The following NCBP3 variants were observed in gnomAD, a reference collection of about 807,000 sequenced individuals.
NCBP3 encodes the protein nuclear cap binding subunit 3.
In NCBP3, 20 loss-of-function variants were observed where a neutral mutation model predicts 75.7. That is an observed-to-expected ratio of 0.26 (90% CI 0.19 to 0.38). The LOEUF is 0.38. NCBP3 is among the 10% of genes least tolerant of loss of function. The pLI is 1.00. For missense variants in NCBP3, 678 were observed against 796.9 expected (o/e 0.85, Z 1.80); for synonymous variants, 293 against 290.5 (o/e 1.01, Z -0.09).
chr17:3,817,526 G>A (rs1226712232), intron 10 of NCBP3, among the ~76,000 whole-genome samples: 1 of 152,206 alleles, frequency 6.6e-6, no homozygotes, highest in Admixed American at 6.5e-5. Context: ...CTACTCGGGA[G>A]GCTGAGGCAG....
chr17:3,835,259 T>G (rs2053953942), intron 3 of NCBP3, among the ~76,000 whole-genome samples: 1 of 152,264 alleles, frequency 6.6e-6, no homozygotes, highest in African/African-American at 2.4e-5. Context: ...ACTGTTCTGA[T>G]GGGCACAATT....
Position 3,833,587 on chromosome 17 carries a change from G to A in NCBP3, c.356-4219C>T, listed in dbSNP as rs113712753. Among the ~76,000 whole-genome samples the A allele has an allele frequency of 2.5e-3, 378 of 152,074 alleles. 2 individuals are homozygous for A. The highest frequency in any genetic ancestry group is 0.01 in the Middle Eastern group (3 of 294). ...CTTGGGAGGCCGAGATGAGAGGATTGCTTGAGCCCAAGAGTTTGAGACCAG... is the reference window on the plus strand; with the variant it reads ...CTTGGGAGGCCGAGATGAGAGGATTACTTGAGCCCAAGAGTTTGAGACCAG... On this transcript the variant is annotated intron_variant, in intron 3 of 12. Transcript: ENST00000389005.
In NCBP3 at chr17:3,807,713, G is replaced by A. The variant is rs914885883; in HGVS notation, c.*5331C>T. 3.3e-5 allele frequency: 5 copies of A among 152,134 alleles called. No individual in the cohort carries two copies. The highest frequency in any genetic ancestry group is 2.1e-4 in the South Asian group (1 of 4,818). The allele number at this position is 152,134 out of a possible 1,614,324, so 9.4% of individuals were successfully genotyped here. A position where few individuals can be genotyped will look rare whatever the true frequency, so the allele number is the denominator to read the frequency against. On this transcript the variant is annotated 3_prime_UTR_variant, in exon 13 of 13. Coordinates refer to ENST00000389005, the MANE Select transcript of NCBP3 (RefSeq NM_001114118.3). Reference sequence around the variant, plus strand: ...CAGAAAAATGACTAGCCTGCCAGAGGGCCCCAGAGCCTCAGAGGATGGAGC... The same window carrying A: ...CAGAAAAATGACTAGCCTGCCAGAGAGCCCCAGAGCCTCAGAGGATGGAGC...
intron 8 of NCBP3, 62 bp from the exon 9 acceptor site, chr17:3,821,414 T>G (rs546309036): frequency 7.7e-7 from 1 of 1,301,184 alleles, no homozygotes; most frequent in South Asian, 1.3e-5. Context: ...TGAAATCCAC[T>G]ATTTCTTTCT....
chr17:3,823,247 G>A (rs1228252685), intron 7 of NCBP3, among the ~76,000 whole-genome samples: 2 of 151,664 alleles, frequency 1.3e-5, no homozygotes, highest in African/African-American at 4.8e-5. Flanking sequence ...GGAGGCAGAG[G>A]TTGCAGGGAG....
rs2053394456 is a variant in NCBP3 at position 3,810,620 on chromosome 17, AT to A, written c.*2423del. 6.6e-6 allele frequency: 1 copy of A among 152,272 alleles called. No individual in the cohort carries two copies. Among genetic ancestry groups the A allele is most frequent in the South Asian group, 2.1e-4 (1 of 4,822 alleles). The allele number at this position is 152,272 out of a possible 1,614,324, so 9.4% of individuals were successfully genotyped here. ...CCTCATCATTCAGGACACACTCAAG[AT>A]GTTGCAAGATCTGAGTGACTGAGAG... On this transcript the variant is annotated 3_prime_UTR_variant, in exon 13 of 13. Coordinates refer to ENST00000389005, the MANE Select transcript of NCBP3 (RefSeq NM_001114118.3).
In NCBP3 at chr17:3,812,449, C is replaced by T. The variant is rs779141288; in HGVS notation, c.*595G>A. 20 of 940,212 alleles carry T rather than the reference C, an allele frequency of 2.1e-5. No homozygotes were observed. The highest frequency in any genetic ancestry group is 4.9e-5 in the South Asian group (1 of 20,492). 58.2% of individuals were successfully genotyped at this position (940,212 alleles called of 1,614,324 possible). A position where few individuals can be genotyped will look rare whatever the true frequency, so the allele number is the denominator to read the frequency against. Reference sequence around the variant, plus strand: ...AGAGGCCCATGCCATGAGCAATCCCCGAGGGAAGAACGGAAGCACAGTCAA... The same window carrying T: ...AGAGGCCCATGCCATGAGCAATCCCTGAGGGAAGAACGGAAGCACAGTCAA... On this transcript the variant is annotated 3_prime_UTR_variant, in exon 13 of 13. Transcript: ENST00000389005.
In NCBP3 at chr17:3,816,403, T is replaced by C. The variant is rs2053533579; in HGVS notation, c.1311-133A>G. ...TACATGGCCAACATTCACTTACAAATCCATAAACTTATAATTATTTGCTTA... is the reference window on the plus strand; with the variant it reads ...TACATGGCCAACATTCACTTACAAACCCATAAACTTATAATTATTTGCTTA... On this transcript the variant is annotated intron_variant, in intron 10 of 12. Transcript: ENST00000389005. 11 of 762,680 alleles carry C rather than the reference T, an allele frequency of 1.4e-5. 1 individual carries two copies. The South Asian group carries it at 2.1e-4, about 14-fold the overall frequency. 47.2% of individuals were successfully genotyped at this position (762,680 alleles called of 1,614,324 possible).
chr17:3,839,008 G>C (rs1201879191), intron 3 of NCBP3, among the ~76,000 whole-genome samples: 2 of 152,046 alleles, frequency 1.3e-5, no homozygotes, highest in Non-Finnish European at 1.5e-5. Flanking sequence ...AACCCTTTAT[G>C]AACACCCAAA....
chr17:3,823,436 TAAAC>T (rs1486331618), intron 7 of NCBP3, among the ~76,000 whole-genome samples: 2 of 151,996 alleles, frequency 1.3e-5, no homozygotes, highest in African/African-American at 2.4e-5. Flanking sequence ...CTGATGTAAA[TAAAC>T]AAACAGGTAA....
At chr17:3,833,123 T>C (rs770205019) in intron 3 of NCBP3, among the ~76,000 whole-genome samples, 1 of 151,978 alleles carries the variant, frequency 6.6e-6, no homozygotes, top group South Asian at 2.1e-4. Context: ...TGTGGTGGTG[T>C]ACAGCTATAG....
At chr17:3,820,415 C>A (rs532535061) in intron 9 of NCBP3, among the ~76,000 whole-genome samples, 1 of 152,118 alleles carries the variant, frequency 6.6e-6, no homozygotes, top group South Asian at 2.1e-4. Flanking sequence ...TAGAAGATTC[C>A]ATAGATTAGG....
chr17:3,814,946 G>T (rs1222828447), intron 11 of NCBP3, among the ~76,000 whole-genome samples: 1 of 151,982 alleles, frequency 6.6e-6, no homozygotes, highest in Non-Finnish European at 1.5e-5. Flanking sequence ...CCAGAAATCG[G>T]CCTGTCCTCT....
At position 3,846,148 on chromosome 17, in the gene NCBP3, G is replaced by A. The variant is rs1470929726; in HGVS notation, c.76C>T (p.Pro26Ser). 2 of 1,538,896 alleles carry A rather than the reference G, an allele frequency of 1.3e-6. No homozygotes were observed. The highest frequency in any genetic ancestry group is 2.6e-5 in the East Asian group (1 of 38,546). Residue 26 changes from proline (P) to serine (S), a missense_variant, in exon 1 of 13, where the codon CCT becomes TCT. Around this residue, in one of 7 missense-constraint regions of NCBP3, gnomAD observed 76 missense variants for 53.8 expected, o/e 1.41. Coordinates refer to ENST00000389005, the MANE Select transcript of NCBP3 (RefSeq NM_001114118.3). The surrounding 1 kb of genome is among the most constrained non-coding windows in gnomAD (Gnocchi z 4.6). ...PAGPALGLPSPEAESGVDRGE... is the reference protein window; with the variant it reads ...PAGPALGLPSSEAESGVDRGE... ...CGGTCAACACCGGACTCCGCCTCAG[G>A]GGACGGGAGCCCCAGGGCCGGCCCC... is the stretch of plus-strand genomic sequence containing the variant.
intron 7 of NCBP3, chr17:3,824,443 T>C (rs1177245699): frequency 6.8e-6 from 1 of 147,526 alleles, no homozygotes; most frequent in Admixed American, 6.7e-5. Context: ...TACATACACA[T>C]GCATACATAC....
chr17:3,818,350 A>G lies in NCBP3; in HGVS notation c.1223T>C (p.Leu408Pro). 2 of 1,614,088 alleles carry G rather than the reference A, an allele frequency of 1.2e-6. No homozygotes were observed. The highest frequency in any genetic ancestry group is 1.7e-6 in the Non-Finnish European group (2 of 1,180,000). Residue 408 changes from leucine (L) to proline (P), a missense_variant, in exon 10 of 13, where the codon CTG becomes CCG. Around this residue, in one of 7 missense-constraint regions of NCBP3, gnomAD observed 365 missense variants for 392.7 expected, o/e 0.93. Coordinates refer to ENST00000389005, the MANE Select transcript of NCBP3 (RefSeq NM_001114118.3). The surrounding 1 kb of genome is among the most constrained non-coding windows in gnomAD (Gnocchi z 4.7). ...DSDEMDYDLE[L>P]KMISTPSPKK... ...TGGTGAAGGCGTGGAAATCATTTTCAGTTCTAGATCATAGTCCATTTCATC... is the reference window on the plus strand; with the variant it reads ...TGGTGAAGGCGTGGAAATCATTTTCGGTTCTAGATCATAGTCCATTTCATC...
At position 3,818,525 on chromosome 17, in the gene NCBP3, C is replaced by G. The variant is rs756805194; in HGVS notation, c.1048G>C (p.Glu350Gln). 21 of 1,610,978 alleles carry G rather than the reference C, an allele frequency of 1.3e-5. No homozygotes were observed. Among genetic ancestry groups the G allele is most frequent in the Non-Finnish European group, 1.6e-5 (19 of 1,179,860 alleles). Residue 350 changes from glutamate (E) to glutamine (Q), a missense_variant, in exon 10 of 13, where the codon GAG becomes CAG. Glu to Gln is a conservative substitution (Grantham distance 29). Around this residue, in one of 7 missense-constraint regions of NCBP3, gnomAD observed 365 missense variants for 392.7 expected, o/e 0.93. Transcript: ENST00000389005. This position sits in a 1 kb window ranked among gnomAD's most constrained non-coding sequence, Gnocchi z 4.7. The stretch of plus-strand genomic sequence containing the variant: ...TCTTCCTCTTCCTCTTCCTCCTCCT[C>G]CTCCTCTTCCTCCTCTTCAATGGGT... ...EEPIEEEEEE[E>Q]EEEEEEEEED... is the part of the protein sequence containing the mutation.
chr17:3,814,218 G>T, intron 12 of NCBP3, 104 bp downstream of exon 12: 1 of 1,133,992 alleles, frequency 8.8e-7, no homozygotes. Flanking sequence ...TATATTTGGC[G>T]TGGGCTGTTT....
intron 11 of NCBP3, among the ~76,000 whole-genome samples, chr17:3,815,214 C>T (rs907521675): frequency 6.6e-6 from 1 of 152,208 alleles, no homozygotes; most frequent in Admixed American, 6.5e-5. Flanking sequence ...CACCCCACTC[C>T]ACCCTCAAGT....
Sources: gnomAD v4.1 joint callset for allele counts (sites outside exome capture counted in the v4.1 genomes callset) on GRCh38, gnomAD v4.1.1 for gene constraint, gnomAD v4.1.1 regional missense constraint, Gnocchi (gnomAD v3.1) non-coding constraint, MANE v1.5 for transcripts, NCBI Gene and HGNC (gene_info 2026-07-23, HGNC 2026-07-21) for gene names.